SLC1A7: variants seen among roughly 807,000 people sequenced by gnomAD.
SLC1A7 encodes the protein solute carrier family 1 member 7, also known as excitatory amino acid transporter 5.
Under a neutral mutation model 47.7 loss-of-function variants are expected in SLC1A7, and 40 were observed. The ratio of observed to expected loss-of-function variants is 0.84; its 90% CI spans 0.65 to 1.09. The LOEUF (loss-of-function observed/expected upper bound fraction) is 1.09. Among genes scored for constraint, SLC1A7 ranks in the 50% least tolerant of loss-of-function variants. SLC1A7 has a pLI of 0.00. For synonymous variants in SLC1A7, 323 were observed against 325.6 expected (o/e 0.99, Z 0.09); for missense variants, 746 against 769.5 (o/e 0.97, Z 0.36).
At chr1:53,116,636 G>A (rs528164673) in intron 2 of SLC1A7, among the ~76,000 whole-genome samples, 6 of 152,234 alleles carry the variant, frequency 3.9e-5, no homozygotes, top group African/African-American at 9.6e-5. Flanking sequence ...ATTATCCCAC[G>A]CAGGGCCGGT....
At chr1:53,111,386 G>T (rs933680719) in intron 3 of SLC1A7, among the ~76,000 whole-genome samples, 1 of 152,192 alleles carries the variant, frequency 6.6e-6, no homozygotes, top group African/African-American at 2.4e-5. Flanking sequence ...TGCGGTGCAG[G>T]CTACGACTTT....
At chr1:53,136,149 C>CTA (rs1644990755) in intron 1 of SLC1A7, among the ~76,000 whole-genome samples, 1 of 110,372 alleles carries the variant, frequency 9.1e-6, no homozygotes, top group East Asian at 2.4e-4. Context: ...CTCTCTCTCT[C>CTA]TCTATATATA....
At chr1:53,127,399 T>C (rs1454700009) in intron 2 of SLC1A7, among the ~76,000 whole-genome samples, 1 of 152,156 alleles carries the variant, frequency 6.6e-6, no homozygotes, top group African/African-American at 2.4e-5. Context: ...GTGGCTCCAC[T>C]CAACCCAAGC....
chr1:53,105,819 G>A (rs1233535621), intron 3 of SLC1A7, 45 bp from the exon 4 acceptor site: 2 of 1,547,474 alleles, frequency 1.3e-6, no homozygotes, highest in Non-Finnish European at 8.9e-7. Flanking sequence ...GCCCAGGACA[G>A]GAGGGCCCTG....
intron 7 of SLC1A7, among the ~76,000 whole-genome samples, chr1:53,091,594 G>A (rs1423982995): frequency 6.6e-6 from 1 of 152,186 alleles, no homozygotes; most frequent in Admixed American, 6.5e-5. Context: ...ATGGCTCCTG[G>A]GCTTTTCTTC....
intron 5 of SLC1A7, among the ~76,000 whole-genome samples, chr1:53,100,640 C>G (rs1644563980): frequency 6.6e-6 from 1 of 151,900 alleles, no homozygotes; most frequent in Non-Finnish European, 1.5e-5. Flanking sequence ...TCTCGGTACA[C>G]TCACACACCT....
At chr1:53,135,607 C>A (rs1325689625) in intron 1 of SLC1A7, among the ~76,000 whole-genome samples, 1 of 152,040 alleles carries the variant, frequency 6.6e-6, no homozygotes, top group Non-Finnish European at 1.5e-5. Flanking sequence ...GTGACCAGGA[C>A]CTGACAACTG....
In SLC1A7 at chr1:53,142,511, G is replaced by A. The variant is rs1210835074; in HGVS notation, c.-62C>T. 1 of 1,577,730 alleles carries A rather than the reference G, an allele frequency of 6.3e-7. No homozygotes were observed. The highest frequency in any genetic ancestry group is 8.6e-7 in the Non-Finnish European group (1 of 1,162,706). ...TTCCACGCATGAGAGCCCGGCCGGG[G>A]GCACAGGGTCTGGGCTGAGGGCTCT... is the stretch of plus-strand genomic sequence containing the variant. On this transcript the variant is annotated 5_prime_UTR_variant, in exon 1 of 11. Coordinates refer to ENST00000371494, the MANE Select transcript of SLC1A7 (RefSeq NM_006671.6).
intron 5 of SLC1A7, among the ~76,000 whole-genome samples, chr1:53,099,148 CT>C (rs1644537937): frequency 8.1e-6 from 1 of 124,152 alleles, no homozygotes; most frequent in Admixed American, 8.2e-5. Flanking sequence ...CAGACACACG[CT>C]GCCTCGGTAC....
At chr1:53,113,561 C>T (rs1644722087) in intron 3 of SLC1A7, among the ~76,000 whole-genome samples, 3 of 152,094 alleles carry the variant, frequency 2.0e-5, no homozygotes, top group African/African-American at 7.2e-5. Flanking sequence ...AAGGATCCCT[C>T]CTGAGCAGCC....
chr1:53,139,328 G>T (rs1175345487), intron 1 of SLC1A7, among the ~76,000 whole-genome samples: 2 of 152,200 alleles, frequency 1.3e-5, no homozygotes, highest in Non-Finnish European at 2.9e-5. Context: ...TGGTGCCTAA[G>T]CTCAGCTGAC....
At chr1:53,099,797 G>A (rs2150321840) in intron 5 of SLC1A7, among the ~76,000 whole-genome samples, 1 of 140,046 alleles carries the variant, frequency 7.1e-6, no homozygotes, top group South Asian at 2.3e-4. Flanking sequence ...CACCATCTCG[G>A]TACACTTACA....
chr1:53,136,450 C>T (rs1644994928), intron 1 of SLC1A7, among the ~76,000 whole-genome samples: 1 of 147,808 alleles, frequency 6.8e-6, no homozygotes, highest in Non-Finnish European at 1.5e-5. Flanking sequence ...GCCTCGGCCT[C>T]CCAAAGTGCT....
intron 2 of SLC1A7, among the ~76,000 whole-genome samples, chr1:53,130,107 A>C (rs946592): frequency 6.6e-6 from 1 of 152,148 alleles, no homozygotes; most frequent in African/African-American, 2.4e-5. Flanking sequence ...AGCTAACGAC[A>C]CTCAGCTCAT....
intron 2 of SLC1A7, among the ~76,000 whole-genome samples, chr1:53,122,369 C>T (rs998665212): frequency 2.0e-5 from 3 of 152,190 alleles, no homozygotes; most frequent in East Asian, 3.9e-4. Flanking sequence ...CAGAGGCTCT[C>T]CCCAGCTGGC....
rs761096707 is a variant in SLC1A7 at position 53,090,701 on chromosome 1, G to T, written c.1137C>A (p.Asp379Glu). 7 of 1,614,094 alleles carry T rather than the reference G, an allele frequency of 4.3e-6. No individual in the cohort carries two copies. The highest frequency in any genetic ancestry group is 5.9e-6 in the Non-Finnish European group (7 of 1,179,984). Residue 379 changes from aspartate to glutamate, a missense_variant, in exon 8 of 11, where the codon GAC becomes GAA. Physicochemically the swap from Asp to Glu is conservative, Grantham distance 45. Coordinates refer to ENST00000371494, the MANE Select transcript of SLC1A7 (RefSeq NM_006671.6). ...VLPVGATINM[D>E]GTALYEAVAA... is the part of the protein sequence containing the mutation. ...CCACAGCCTCGTAGAGCGCAGTGCCGTCCATGTTGATGGTGGCACCCACGG... is the reference window on the plus strand; with the variant it reads ...CCACAGCCTCGTAGAGCGCAGTGCCTTCCATGTTGATGGTGGCACCCACGG...
intron 3 of SLC1A7, among the ~76,000 whole-genome samples, chr1:53,111,069 G>A (rs1644696531): frequency 1.3e-5 from 2 of 152,146 alleles, no homozygotes; most frequent in African/African-American, 4.8e-5. Context: ...CAGTGGATGT[G>A]GGAGGAAAAG....
chr1:53,100,852 G>A lies in SLC1A7; in HGVS notation c.697+2494C>T, dbSNP rs551508211. 1.3e-3 allele frequency among the ~76,000 whole-genome samples: 192 copies of A among 142,914 alleles called. 4 individuals carry two copies. The highest frequency in any genetic ancestry group is 6.9e-4 in the South Asian group (3 of 4,372). 93.8% of individuals were successfully genotyped at this position (142,914 alleles called of 152,430 possible). ...TCACCTCGGTACACTGCCATACCCC[G>A]CCTCAGTACACTCACACACTTTGCC... On this transcript the variant is annotated intron_variant, in intron 5 of 10. Transcript: ENST00000371494.
At position 53,093,447 on chromosome 1, in the gene SLC1A7, A is replaced by G; in HGVS notation, c.797+14T>C. On this transcript the variant is annotated intron_variant, in intron 6 of 10. Transcript: ENST00000371494. ...GGGCTGGCCGGGGTGAGGTGGGTAA[A>G]TGAGGAGGCTTACCACACAGCCACC... The G allele has an allele frequency of 6.3e-7, 1 of 1,597,874 alleles. No individual in the cohort carries two copies. The highest frequency in any genetic ancestry group is 8.5e-7 in the Non-Finnish European group (1 of 1,172,412).
Sources: allele counts gnomAD v4.1 joint callset (sites outside exome capture counted in the v4.1 genomes callset), GRCh38; gene constraint gnomAD v4.1.1; transcripts MANE v1.5; gene names NCBI Gene and HGNC (gene_info 2026-07-23, HGNC 2026-07-21).